CNGB1: variants seen among roughly 807,000 people sequenced by gnomAD.
CNGB1 encodes cyclic nucleotide gated channel subunit beta 1.
Under a neutral mutation model 151.7 loss-of-function variants are expected in CNGB1, and 126 were observed. The ratio of observed to expected loss-of-function variants is 0.83; its 90% CI spans 0.72 to 0.96. CNGB1 has a LOEUF of 0.96. Ranked by LOEUF, CNGB1 falls within the 40% of genes least tolerant of loss-of-function variation. The pLI is 0.00. For synonymous variants in CNGB1, 623 were observed against 635.1 expected, an observed-to-expected ratio of 0.98 and a Z score of 0.29; for missense variants, 1,698 against 1,627.0, an observed-to-expected ratio of 1.04 and a Z score of -0.75.
intron 21 of CNGB1, 54 bp from the exon 22 acceptor site, chr16:57,916,233 C>A: frequency 6.5e-7 from 1 of 1,548,088 alleles, no homozygotes; most frequent in Non-Finnish European, 8.9e-7. Context: ...AATCTCTGAC[C>A]CTGTGGAGCA....
At chr16:57,911,973 G>T (rs189232287) in intron 24 of CNGB1, 98 bp from the exon 25 acceptor site, 1 of 1,521,196 alleles carries the variant, frequency 6.6e-7, no homozygotes, top group Non-Finnish European at 9.0e-7. Context: ...GGGCTGGCCC[G>T]ACTGGATGCT....
intron 11 of CNGB1, among the ~76,000 whole-genome samples, chr16:57,957,808 G>A (rs1284652358): frequency 2.0e-5 from 3 of 152,240 alleles, no homozygotes; most frequent in Non-Finnish European, 4.4e-5. Context: ...CCATTGGTCA[G>A]CTGGGACAAC....
In CNGB1 at chr16:57,967,227, C is replaced by G. The variant is rs749405869; in HGVS notation, c.60G>C (p.Lys20Asn). The G allele has an allele frequency of 3.7e-6, 6 of 1,614,204 alleles. No homozygotes were observed. In the Admixed American group the frequency reaches 1.0e-4, roughly 27 times the overall value. ...PQPPGTPRKT[K>N]MQEEEEVEPE... ...GTTCCACTTCCTCTTCCTCCTGCAT[C>G]TTGGTCTTCCGAGGGGTCCCTGGGG... is the stretch of plus-strand genomic sequence containing the variant. Residue 20 changes from lysine to asparagine, a missense_variant, in exon 2 of 33, where the codon AAG becomes AAC. Physicochemically the swap from Lys to Asn is moderately conservative, Grantham distance 94. Transcript: ENST00000251102.
chr16:57,964,647 C>T (rs1477693229), intron 2 of CNGB1, 103 bp from the exon 3 acceptor site: 2 of 1,092,198 alleles, frequency 1.8e-6, no homozygotes, highest in East Asian at 2.4e-5. Flanking sequence ...CCACAAAAGA[C>T]CTGAACGACT....
At chr16:57,908,248 G>A (rs933084955) in intron 25 of CNGB1, among the ~76,000 whole-genome samples, 3 of 152,226 alleles carry the variant, frequency 2.0e-5, no homozygotes, top group African/African-American at 7.2e-5. Context: ...GGCAGAAGGC[G>A]ACGGCCATAG....
At chr16:57,950,822 G>A (rs1214924101) in intron 12 of CNGB1, among the ~76,000 whole-genome samples, 2 of 152,158 alleles carry the variant, frequency 1.3e-5, no homozygotes, top group Non-Finnish European at 2.9e-5. Context: ...TTCTCACGGG[G>A]GATTCCTTCT....
rs60059824 is a variant in CNGB1, at chr16:57,951,436, C to T, written c.875-896G>A. On this transcript the variant is annotated intron_variant, in intron 12 of 32. Transcript: ENST00000251102. ...GTGCAATTATGGCTCACCTCAGCCT[C>T]GACCTCCTGGGCTTAAGCAATCCTC... Among the ~76,000 whole-genome samples the T allele has an allele frequency of 1.5e-3, 230 of 152,312 alleles. 2 individuals are homozygous for T. The highest frequency in any genetic ancestry group is 5.2e-3 in the African/African-American group (216 of 41,560).
intron 19 of CNGB1, 87 bp from the exon 20 acceptor site, chr16:57,919,341 G>T: frequency 6.2e-7 from 1 of 1,609,242 alleles, no homozygotes; most frequent in Admixed American, 1.7e-5. Flanking sequence ...GCAGACCTTG[G>T]ATCCAGATCT....
chr16:57,930,972 T>C (rs955102160), intron 17 of CNGB1, among the ~76,000 whole-genome samples: 6 of 151,976 alleles, frequency 3.9e-5, no homozygotes, highest in African/African-American at 7.2e-5. Flanking sequence ...TAGGTAACAA[T>C]ACTGTACTGT....
chr16:57,947,820 C>T (rs1208656111), intron 14 of CNGB1, among the ~76,000 whole-genome samples: 1 of 152,230 alleles, frequency 6.6e-6, no homozygotes, highest in Non-Finnish European at 1.5e-5. Flanking sequence ...TCCCCTACAA[C>T]TTCCATCATC....
chr16:57,936,084 T>C (rs1961500136), intron 16 of CNGB1, among the ~76,000 whole-genome samples: 1 of 152,140 alleles, frequency 6.6e-6, no homozygotes, highest in Non-Finnish European at 1.5e-5. Flanking sequence ...AGTCAGAAAG[T>C]GACAGGGGTT....
chr16:57,964,871 T>C (rs1458721128), intron 2 of CNGB1, among the ~76,000 whole-genome samples: 2 of 152,108 alleles, frequency 1.3e-5, no homozygotes, highest in African/African-American at 4.8e-5. Flanking sequence ...TTAGAGATAG[T>C]TATGAAGCCT....
chr16:57,936,969 G>A (rs1961528536), intron 16 of CNGB1: 2 of 152,260 alleles, frequency 1.3e-5, no homozygotes, highest in Admixed American at 1.3e-4. Context: ...AAAAGGAGAT[G>A]GTTTTCCATA....
At chr16:57,955,438 G>GAGTT in intron 12 of CNGB1, 1 of 1,264,510 alleles carries the variant, frequency 7.9e-7, no homozygotes. Context: ...GTGAGTGAGT[G>GAGTT]AGTGGATGAG....
chr16:57,914,629 C>T (rs1377303351), intron 23 of CNGB1, among the ~76,000 whole-genome samples: 1 of 152,202 alleles, frequency 6.6e-6, no homozygotes, highest in African/African-American at 2.4e-5. Context: ...GCTATCCACC[C>T]TGATCACGTG....
chr16:57,939,474 G>GTC lies in CNGB1; in HGVS notation c.1326_1327dup (p.Thr443ArgfsTer61). 6.2e-7 allele frequency: 1 copy of GTC among 1,614,090 alleles called. No individual in the cohort carries two copies. The highest frequency in any genetic ancestry group is 8.5e-7 in the Non-Finnish European group (1 of 1,179,986). The stretch of plus-strand genomic sequence containing the variant: ...GGCCTCAGCCTCAGGCTCCTCCTTG[G>GTC]TCTCCGCCCAGTCCTGGGGCTCCTT... On this transcript the variant is annotated frameshift_variant, in exon 16 of 33. Transcript: ENST00000251102. LOFTEE classifies it high-confidence loss of function.
intron 23 of CNGB1, among the ~76,000 whole-genome samples, chr16:57,914,723 T>C (rs1960815091): frequency 6.6e-6 from 1 of 152,200 alleles, no homozygotes; most frequent in South Asian, 2.1e-4. Flanking sequence ...ATGGCTGGAA[T>C]GACACTGAGG....
At chr16:57,895,323 G>GT (rs1960192630) in intron 31 of CNGB1, among the ~76,000 whole-genome samples, 1 of 152,044 alleles carries the variant, frequency 6.6e-6, no homozygotes, top group Admixed American at 6.5e-5. Context: ...GCACATGCCT[G>GT]TAATTCCAGC....
intron 10 of CNGB1, among the ~76,000 whole-genome samples, chr16:57,959,035 G>T (rs1034837820): frequency 5.3e-5 from 8 of 150,804 alleles, no homozygotes; most frequent in Admixed American, 4.6e-4. Flanking sequence ...TTACAAGCAT[G>T]AGCCACTGCA....
Sources: gnomAD v4.1 joint callset for allele counts (sites outside exome capture counted in the v4.1 genomes callset) on GRCh38, gnomAD v4.1.1 for gene constraint, MANE v1.5 for transcripts, NCBI Gene and HGNC (gene_info 2026-07-23, HGNC 2026-07-21) for gene names.